The following LRRC56 variants were observed in gnomAD, a reference collection of about 807,000 sequenced individuals.
LRRC56 encodes the protein leucine rich repeat containing 56, also known as leucine-rich repeat-containing protein 56.
In LRRC56, 41 loss-of-function variants were observed where a neutral mutation model predicts 47.8. That is an observed-to-expected ratio of 0.86 (90% CI 0.67 to 1.11). LRRC56 has a LOEUF of 1.11. Among genes scored for constraint, LRRC56 ranks in the 50% most tolerant of loss-of-function variants. The pLI is 0.00. For synonymous variants in LRRC56, 387 were observed against 311.2 expected (o/e 1.24, Z -2.56); for missense variants, 759 against 704.2 (o/e 1.08, Z -0.88).
chr11:512,274 C>T, the LRRC56 span, among the ~76,000 whole-genome samples: 9 of 152,020 alleles, frequency 5.9e-5, no homozygotes, highest in African/African-American at 1.4e-4. Flanking sequence ...CTCGCTCTGT[C>T]GCCCAGGCTG....
chr11:537,426 A>C (rs1851563482), upstream of LRRC56: 1 of 152,232 alleles, frequency 6.6e-6, no homozygotes, highest in Admixed American at 6.5e-5. Flanking sequence ...ACGGAACCCG[A>C]GCCCCCGGCG....
chr11:533,818 A>T (rs1370566417), upstream of LRRC56: 1 of 1,613,366 alleles, frequency 6.2e-7, no homozygotes, highest in African/African-American at 1.3e-5. Flanking sequence ...GCAAACACAC[A>T]CAGGAAGCCC....
upstream of LRRC56, chr11:532,622 C>A (rs919648299): frequency 1.2e-6 from 2 of 1,608,694 alleles, no homozygotes; most frequent in Non-Finnish European, 1.7e-6. Context: ...CCCTGGGAGT[C>A]CCCCTCACCT....
At position 540,740 on chromosome 11, in the gene LRRC56, G is replaced by A. The variant is rs144525570; in HGVS notation, c.56G>A (p.Arg19Gln). 2,843 of 1,612,038 alleles carry A rather than the reference G, an allele frequency of 1.8e-3. 18 individuals are homozygous for A. In the Middle Eastern group the frequency reaches 0.021, roughly 12 times the overall value. The change falls in exon 4 of 14, where the codon CGG becomes CAG. Residue 19 changes from arginine to glutamine, a missense_variant. By Grantham distance (43) the Arg-to-Gln change is conservative. Transcript: ENST00000270115. The part of the protein sequence containing the change: ...RGPRRSTSSV[R>Q]VRELSWQGLH... ...CCTCGGCGGAGCACCTCCAGCGTCCGGGTGCGGGAGCTGAGCTGGCAAGGC... is the reference window on the plus strand; with the variant it reads ...CCTCGGCGGAGCACCTCCAGCGTCCAGGTGCGGGAGCTGAGCTGGCAAGGC...
At position 546,998 on chromosome 11, in the gene LRRC56, A is replaced by G. The variant is rs1298499528; in HGVS notation, c.326+2218A>G. On this transcript the variant is annotated intron_variant, in intron 6 of 13. Coordinates refer to ENST00000270115, the MANE Select transcript of LRRC56 (RefSeq NM_198075.4). ...CTTGAACCCAGGAGGCGGAGGTTGC[A>G]GTAAGCCAAGATTGCTCCATTGCAC... Among the ~76,000 whole-genome samples the G allele has an allele frequency of 2.0e-5, 3 of 152,122 alleles. 1 individual carries two copies. The South Asian group carries it at 6.2e-4, about 32-fold the overall frequency.
At chr11:553,545 G>A (rs1589821654) in intron 13 of LRRC56, among the ~76,000 whole-genome samples, 1 of 152,190 alleles carries the variant, frequency 6.6e-6, no homozygotes, top group African/African-American at 2.4e-5. Context: ...GGCAGGGTCA[G>A]GACAAAGGCA....
the LRRC56 span, among the ~76,000 whole-genome samples, chr11:521,769 G>A: frequency 6.6e-6 from 1 of 152,068 alleles, no homozygotes; most frequent in Non-Finnish European, 1.5e-5. Flanking sequence ...CAAAAAATTA[G>A]CTGGACGTGG....
chr11:518,944 C>T, the LRRC56 span, among the ~76,000 whole-genome samples: 1 of 152,134 alleles, frequency 6.6e-6, no homozygotes, highest in East Asian at 1.9e-4. Context: ...GAAACCCCGC[C>T]CCCAAACCGA....
At chr11:523,663 T>G in the LRRC56 span, among the ~76,000 whole-genome samples, 1 of 148,122 alleles carries the variant, frequency 6.8e-6, no homozygotes, top group Non-Finnish European at 1.5e-5. Flanking sequence ...CCGGGCGCGG[T>G]GGCTCACGCC....
the LRRC56 span, among the ~76,000 whole-genome samples, chr11:527,029 C>T: frequency 1.3e-5 from 2 of 152,046 alleles, no homozygotes; most frequent in Non-Finnish European, 2.9e-5. Context: ...TGGCCAGGTG[C>T]GGTGGCTCAC....
In LRRC56 at chr11:541,611, C is replaced by G. The variant is rs750491217; in HGVS notation, c.252C>G (p.Ser84Arg). Residue 84 changes from serine (S) to arginine (R), a missense_variant, in exon 5 of 14, where the codon AGC becomes AGG. Ser to Arg is a moderately radical substitution (Grantham distance 110). Transcript: ENST00000270115. This position sits in a 1 kb window ranked among gnomAD's most constrained non-coding sequence, Gnocchi z 4.1. ...TGTGTGTGGACACTCGTGAGGGCAG[C>G]CTGGGGAACTTTGGTGAGCCTCTTC... The part of the protein sequence containing the change: ...LEMCVDTREG[S>R]LGNFGVHLPN... 1.9e-5 allele frequency: 30 copies of G among 1,574,326 alleles called. No homozygotes were observed. Among genetic ancestry groups the G allele is most frequent in the African/African-American group, 2.7e-5 (2 of 73,020 alleles).
chr11:511,965 A>T, the LRRC56 span, among the ~76,000 whole-genome samples: 2 of 151,068 alleles, frequency 1.3e-5, no homozygotes, highest in African/African-American at 4.9e-5. Context: ...TTTTTTTGAG[A>T]TGGAGTCTTA....
rs527894852 is a variant in LRRC56, at chr11:541,099, A to C, written c.177+238A>C. Among the ~76,000 whole-genome samples, 1 of 152,288 alleles carries C rather than the reference A, an allele frequency of 6.6e-6. No homozygotes were observed. The highest frequency in any genetic ancestry group is 2.1e-4 in the South Asian group (1 of 4,832). Reference sequence around the variant, plus strand: ...GGTGCTCAGTGACACAGACGTCCCCAGGCATTTGGGTCACAGACAGGACTG... The same window carrying C: ...GGTGCTCAGTGACACAGACGTCCCCCGGCATTTGGGTCACAGACAGGACTG... On this transcript the variant is annotated intron_variant, in intron 4 of 13. Coordinates refer to ENST00000270115, the MANE Select transcript of LRRC56 (RefSeq NM_198075.4). This position sits in a 1 kb window ranked among gnomAD's most constrained non-coding sequence, Gnocchi z 4.1.
At chr11:548,524 C>G (rs1852203727) in intron 6 of LRRC56, among the ~76,000 whole-genome samples, 1 of 152,228 alleles carries the variant, frequency 6.6e-6, no homozygotes, top group Non-Finnish European at 1.5e-5. Flanking sequence ...GTGGCGCAAT[C>G]TCAGCTCACT....
rs11246183 is a variant in LRRC56 at position 554,389 on chromosome 11, G to A, written c.*113G>A. 7,611 of 951,516 alleles carry A rather than the reference G, an allele frequency of 8.0e-3. 53 individuals carry two copies. The highest frequency in any genetic ancestry group is 0.012 in the Admixed American group (348 of 28,000). 58.9% of individuals were successfully genotyped at this position (951,516 alleles called of 1,614,324 possible). ...TGTTGGGGGGTGGAAGGAGTGCCTG[G>A]CCCTGGGGAGGACCCTCTTGGTGGA... On this transcript the variant is annotated 3_prime_UTR_variant, in exon 14 of 14. Transcript: ENST00000270115.
intron 6 of LRRC56, among the ~76,000 whole-genome samples, chr11:546,904 AAAAG>A (rs1442024681): frequency 6.6e-6 from 1 of 152,154 alleles, no homozygotes; most frequent in East Asian, 1.9e-4. Context: ...TACAAAAAAA[AAAAG>A]AAATAGCCAG....
At chr11:553,670 G>A (rs1057038466) in intron 13 of LRRC56, among the ~76,000 whole-genome samples, 2 of 152,196 alleles carry the variant, frequency 1.3e-5, no homozygotes, top group Admixed American at 1.3e-4. Context: ...AGATGACCGA[G>A]GGTCAGAGCC....
rs1411017553 is a variant in LRRC56 at position 554,239 on chromosome 11, C to A, written c.1592C>A (p.Ala531Glu). Reference sequence around the variant, plus strand: ...GATGCAGCAGCTAGACCTCCCAGGGCAGCTGAACTCTCTCACCCCAGCCCC... The same window carrying A: ...GATGCAGCAGCTAGACCTCCCAGGGAAGCTGAACTCTCTCACCCCAGCCCC... ...APDAAARPPR[A>E]AELSHPSPVP... Residue 531 changes from alanine to glutamate, a missense_variant, in exon 14 of 14, where the codon GCA (alanine) becomes GAA (glutamate). Physicochemically the swap from Ala to Glu is moderately radical, Grantham distance 107 (BLOSUM62 -1). Transcript: ENST00000270115. 2 of 1,511,176 alleles carry A rather than the reference C, an allele frequency of 1.3e-6. No individual in the cohort carries two copies. The highest frequency in any genetic ancestry group is 4.3e-5 in the Admixed American group (2 of 46,590). 93.6% of individuals were successfully genotyped at this position (1,511,176 alleles called of 1,614,324 possible).
chr11:554,090 C>T lies in LRRC56; in HGVS notation c.1443C>T (p.Val481=), dbSNP rs144961654. The change falls in exon 14 of 14, where the codon GTC becomes GTT. Residue 481 remains valine, a synonymous_variant. Coordinates refer to ENST00000270115, the MANE Select transcript of LRRC56 (RefSeq NM_198075.4). Reference sequence around the variant, plus strand: ...AGTCCAGGGGGCGTCGGCTCCGAGTCCTGGGCAGCTGGGGGCCTGGCCTGG... The same window carrying T: ...AGTCCAGGGGGCGTCGGCTCCGAGTTCTGGGCAGCTGGGGGCCTGGCCTGG... ...DLQSRGRRLR[V]LGSWGPGLGD... is the part of the protein sequence containing the mutation. 6.9e-5 allele frequency: 111 copies of T among 1,607,810 alleles called. No individual in the cohort carries two copies. Among genetic ancestry groups the T allele is most frequent in the Admixed American group, 1.7e-4 (10 of 59,656 alleles).
Sources: allele counts gnomAD v4.1 joint callset (sites outside exome capture counted in the v4.1 genomes callset), GRCh38; gene constraint gnomAD v4.1.1; non-coding constraint Gnocchi (gnomAD v3.1); transcripts MANE v1.5; gene names NCBI Gene and HGNC (gene_info 2026-07-23, HGNC 2026-07-21).